The following PYGB variants were observed in gnomAD, a reference collection of about 807,000 sequenced individuals.
PYGB encodes the protein glycogen phosphorylase B.
In PYGB, 82 loss-of-function variants were observed where a neutral mutation model predicts 94.3. The observed-to-expected ratio is 0.87, with a 90% CI of 0.73 to 1.04. The LOEUF (loss-of-function observed/expected upper bound fraction) is 1.04, where lower values mean the gene tolerates loss of function less well. Among genes scored for constraint, PYGB ranks in the 50% least tolerant of loss-of-function variants. The pLI is 0.00. For synonymous variants in PYGB, 488 were observed against 479.1 expected (o/e 1.02, Z -0.24); for missense variants, 1,132 against 1,158.2 (o/e 0.98, Z 0.33).
intron 3 of PYGB, among the ~76,000 whole-genome samples, chr20:25,270,187 GT>G (rs1555806349): frequency 7.7e-6 from 1 of 130,120 alleles, no homozygotes; most frequent in African/African-American, 3.3e-5. Context: ...TAATCCTGAA[GT>G]TTTTTTTGTT....
At chr20:25,282,584 A>G (rs986096181) in intron 12 of PYGB, among the ~76,000 whole-genome samples, 9 of 152,250 alleles carry the variant, frequency 5.9e-5, no homozygotes, top group African/African-American at 2.2e-4. Flanking sequence ...ACCTGGGGCT[A>G]TGGTCAGGGA....
chr20:25,288,466 G>A lies in PYGB; in HGVS notation c.1810G>A (p.Val604Ile). Reference protein sequence around the residue: ...DPAKAFVPRTVMIGGKAAPGY... With the variant: ...DPAKAFVPRTIMIGGKAAPGY... ...GGCCAAGGCTTTTGTGCCCAGGACT[G>A]TTATGATTGGGGGCAAGGTGAGTGA... Residue 604 changes from valine to isoleucine, a missense_variant, in exon 15 of 20, where the codon GTT (valine) becomes ATT (isoleucine). Coordinates refer to ENST00000216962, the MANE Select transcript of PYGB (RefSeq NM_002862.4). The A allele has an allele frequency of 6.2e-7, 1 of 1,614,132 alleles. No individual in the cohort carries two copies. The highest frequency in any genetic ancestry group is 8.5e-7 in the Non-Finnish European group (1 of 1,179,994).
At chr20:25,289,815 A>G in intron 15 of PYGB, 2 of 533,314 alleles carry the variant, frequency 3.8e-6, no homozygotes. Context: ...TCATAAAATG[A>G]TGTTTTCCAC....
chr20:25,280,392 A>G lies in PYGB; in HGVS notation c.1219A>G (p.Ile407Val). 1.2e-6 allele frequency: 2 copies of G among 1,614,134 alleles called. No individual in the cohort carries two copies. Among genetic ancestry groups the G allele is most frequent in the Non-Finnish European group, 1.7e-6 (2 of 1,180,014 alleles). Reference protein sequence around the residue: ...LPRHLEIIYAINQRHLDHVAA... With the variant: ...LPRHLEIIYAVNQRHLDHVAA... Reference sequence around the variant, plus strand: ...GCGGCACCTGGAGATAATCTATGCCATCAACCAGCGGCACCTGGACGTGAG... The same window carrying G: ...GCGGCACCTGGAGATAATCTATGCCGTCAACCAGCGGCACCTGGACGTGAG... The change falls in exon 10 of 20, where the codon ATC (isoleucine) becomes GTC (valine). Residue 407 changes from isoleucine (I) to valine (V), a missense_variant. Physicochemically the swap from Ile to Val is conservative, Grantham distance 29. Transcript: ENST00000216962.
In PYGB at chr20:25,281,095, G is replaced by T. The variant is rs532644008; in HGVS notation, c.1386G>T (p.Glu462Asp). 6 of 1,614,184 alleles carry T rather than the reference G, an allele frequency of 3.7e-6. No individual in the cohort carries two copies. In the African/African-American group the frequency reaches 4.0e-5, roughly 11 times the overall value. ...AVNGVARIHS[E>D]IVKQSVFKDF... The stretch of plus-strand genomic sequence containing the variant: ...ATGGTGTGGCGAGGATCCACTCGGA[G>T]ATCGTGAAACAGTCGGTGTGAGTGG... Residue 462 changes from glutamate (E) to aspartate (D), a missense_variant, in exon 11 of 20, where the codon GAG (glutamate) becomes GAT (aspartate). Physicochemically the swap from Glu to Asp is conservative, Grantham distance 45. Coordinates refer to ENST00000216962, the MANE Select transcript of PYGB (RefSeq NM_002862.4).
At chr20:25,288,702 G>C in intron 15 of PYGB, 1 of 583,034 alleles carries the variant, frequency 1.7e-6, no homozygotes, top group South Asian at 2.2e-5. Context: ...GGGGTCCCCA[G>C]CCTAGAGGGC....
intron 2 of PYGB, among the ~76,000 whole-genome samples, chr20:25,260,534 C>G (rs1158007864): frequency 6.6e-6 from 1 of 152,192 alleles, no homozygotes; most frequent in East Asian, 1.9e-4. Context: ...AGGAACAGCT[C>G]CAGTCTACAG....
At chr20:25,263,808 A>G (rs2123532045) in intron 2 of PYGB, among the ~76,000 whole-genome samples, 1 of 152,354 alleles carries the variant, frequency 6.6e-6, no homozygotes, top group African/African-American at 2.4e-5. Context: ...CAACCAAAAA[A>G]AGTCCAGGAC....
intron 16 of PYGB, 147 bp from the exon 17 acceptor site, chr20:25,292,259 C>CGGGAGTGGGAGCA (rs55769542): frequency 0.33 from 277,156 of 840,974 alleles, 54,356 homozygotes; most frequent in East Asian, 0.91. Flanking sequence ...CCTGTGGGAG[C>CGGGAGTGGGAGCA]GGGAGTGGGG....
At chr20:25,254,764 ATCGCTTTCTGGCTCTGGAT>A (rs1177764716) in intron 1 of PYGB, among the ~76,000 whole-genome samples, 6 of 152,232 alleles carry the variant, frequency 3.9e-5, no homozygotes, top group African/African-American at 1.4e-4. Flanking sequence ...GAAGGCTCCC[ATCGCTTTCTGGCTCTGGAT>A]TAGTACTGAA....
chr20:25,279,182 A>G, intron 9 of PYGB, 33 bp downstream of exon 9: 3 of 1,600,156 alleles, frequency 1.9e-6, no homozygotes, highest in Non-Finnish European at 2.6e-6. Flanking sequence ...GCACCTCCCC[A>G]GAGCCTGGAG....
chr20:25,297,487 C>T lies in PYGB; in HGVS notation c.*965C>T, dbSNP rs2145908684. The T allele has an allele frequency of 6.6e-6, 1 of 152,540 alleles. No individual in the cohort carries two copies. Among genetic ancestry groups the T allele is most frequent in the South Asian group, 2.1e-4 (1 of 4,818 alleles). The allele number at this position is 152,540 out of a possible 1,614,324, so 9.4% of individuals were successfully genotyped here. A position where few individuals can be genotyped will look rare whatever the true frequency, so the allele number is the denominator to read the frequency against. On this transcript the variant is annotated 3_prime_UTR_variant, in exon 20 of 20. Transcript: ENST00000216962. ...CACACAAGGGCCAGGCTCCATTCTC[C>T]CTCCCTTTCCACCAGTGCCACAGCC...
At chr20:25,277,580 ACCTTCCCCTCTTATC>A (rs1295655175) in intron 7 of PYGB, among the ~76,000 whole-genome samples, 2 of 151,998 alleles carry the variant, frequency 1.3e-5, no homozygotes, top group Non-Finnish European at 2.9e-5. Context: ...ACTCTCTGCC[ACCTTCCCCTCTTATC>A]CACTCCCCTC....
chr20:25,278,020 CA>C (rs1289671808), intron 7 of PYGB, among the ~76,000 whole-genome samples: 2 of 152,242 alleles, frequency 1.3e-5, no homozygotes, highest in African/African-American at 2.4e-5. Flanking sequence ...AGACTGTTGG[CA>C]GACCCCAAGC....
intron 17 of PYGB, among the ~76,000 whole-genome samples, chr20:25,293,071 GT>G (rs2088485680): frequency 6.8e-6 from 1 of 147,318 alleles, no homozygotes; most frequent in African/African-American, 2.5e-5. Context: ...AGTTGTAACT[GT>G]TAAAATTGTT....
At chr20:25,287,173 C>T (rs541655497) in intron 14 of PYGB, among the ~76,000 whole-genome samples, 4 of 152,210 alleles carry the variant, frequency 2.6e-5, no homozygotes, top group East Asian at 1.9e-4. Flanking sequence ...GTGAGCCGGC[C>T]GTCATGGCTT....
chr20:25,281,024 C>T lies in PYGB; in HGVS notation c.1315C>T (p.Arg439Trp), dbSNP rs199663379. The change falls in exon 11 of 20, where the codon CGG becomes TGG. Residue 439 changes from arginine to tryptophan, a missense_variant. Transcript: ENST00000216962. ...MSVIEEGDCK[R>W]INMAHLCVIG... The stretch of plus-strand genomic sequence containing the variant: ...TGTGATCGAGGAGGGGGACTGCAAG[C>T]GGATCAACATGGCCCACCTGTGTGT... The T allele has an allele frequency of 4.3e-6, 7 of 1,614,070 alleles. No homozygotes were observed. The highest frequency in any genetic ancestry group is 1.7e-5 in the Admixed American group (1 of 60,008).
chr20:25,278,344 T>C lies in PYGB; in HGVS notation c.881T>C (p.Leu294Pro). 1 of 1,609,572 alleles carries C rather than the reference T, an allele frequency of 6.2e-7. No homozygotes were observed. Among genetic ancestry groups the C allele is most frequent in the East Asian group, 2.2e-5 (1 of 44,510 alleles). ...TTCTTTGAGGGGAAGGAGCTGCGGC[T>C]GAAGCAGGAGTACTTCGTGGTGGCC... The part of the protein sequence containing the change: ...DNFFEGKELR[L>P]KQEYFVVAAT... Residue 294 changes from leucine to proline, a missense_variant, in exon 8 of 20, where the codon CTG becomes CCG. Coordinates refer to ENST00000216962, the MANE Select transcript of PYGB (RefSeq NM_002862.4).
At chr20:25,284,026 C>G (rs1013495083) in intron 13 of PYGB, 78 bp from the exon 14 acceptor site, 1 of 1,556,112 alleles carries the variant, frequency 6.4e-7, no homozygotes, top group African/African-American at 1.4e-5. Context: ...TCACAGGGCA[C>G]TTGAAGCAGG....
Sources: allele counts gnomAD v4.1 joint callset (sites outside exome capture counted in the v4.1 genomes callset), GRCh38; gene constraint gnomAD v4.1.1; transcripts MANE v1.5; gene names NCBI Gene and HGNC (gene_info 2026-07-23, HGNC 2026-07-21).